Variants in CALCRL observed in about 807,000 individuals in gnomAD.
CALCRL encodes calcitonin gene-related peptide type 1 receptor.
A neutral mutation model predicts 60.4 loss-of-function variants in CALCRL; 27 were observed. The observed-to-expected ratio is 0.45, with a 90% CI of 0.33 to 0.62. CALCRL has a LOEUF of 0.62. Among genes scored for constraint, CALCRL ranks in the 20% least tolerant of loss-of-function variants. The pLI, the probability that CALCRL is intolerant of heterozygous loss-of-function variation, is 0.03. For synonymous variants in CALCRL, 190 were observed against 182.6 expected (o/e 1.04, Z -0.33); for missense variants, 424 against 540.7 (o/e 0.78, Z 2.14).
intron 9 of CALCRL, among the ~76,000 whole-genome samples, chr2:187,361,847 A>G (rs1305655320): frequency 6.6e-6 from 1 of 151,946 alleles, no homozygotes; most frequent in Non-Finnish European, 1.5e-5. Flanking sequence ...CTCCTAACTA[A>G]AGGATATTTG....
intron 7 of CALCRL, among the ~76,000 whole-genome samples, chr2:187,379,854 A>G (rs974554999): frequency 2.0e-5 from 3 of 152,204 alleles, no homozygotes; most frequent in Non-Finnish European, 2.9e-5. Context: ...GCTGGTAAGA[A>G]GTAGAAATAA....
At chr2:187,412,213 G>T (rs1689397624) in intron 1 of CALCRL, among the ~76,000 whole-genome samples, 1 of 152,008 alleles carries the variant, frequency 6.6e-6, no homozygotes. Context: ...CTGATTTTCA[G>T]AAACATTCTT....
intron 8 of CALCRL, among the ~76,000 whole-genome samples, chr2:187,364,117 G>T (rs555303106): frequency 5.3e-5 from 8 of 152,234 alleles, no homozygotes; most frequent in African/African-American, 1.9e-4. Context: ...GGTAAAAATA[G>T]TACCACCTTT....
chr2:187,440,216 A>T (rs1208992124), intron 1 of CALCRL, among the ~76,000 whole-genome samples: 1 of 148,612 alleles, frequency 6.7e-6, no homozygotes, highest in Non-Finnish European at 1.5e-5. Context: ...TGTCCAGACG[A>T]AAAAAAAAAG....
chr2:187,360,923 T>C (rs1179031367), intron 9 of CALCRL, among the ~76,000 whole-genome samples, 172 bp from the exon 10 acceptor site: 1 of 152,080 alleles, frequency 6.6e-6, no homozygotes, highest in African/African-American at 2.4e-5. Context: ...ATGATGCCTT[T>C]AGTTTTTAGC....
intron 12 of CALCRL, among the ~76,000 whole-genome samples, chr2:187,358,041 GA>G (rs1159202433): frequency 6.6e-6 from 1 of 152,044 alleles, no homozygotes; most frequent in Non-Finnish European, 1.5e-5. Context: ...AAGCATGCTA[GA>G]TTGCTAGTTT....
At chr2:187,412,429 C>A (rs1401436124) in intron 1 of CALCRL, among the ~76,000 whole-genome samples, 1 of 152,144 alleles carries the variant, frequency 6.6e-6, no homozygotes, top group African/African-American at 2.4e-5. Flanking sequence ...CTTGGGCAAC[C>A]TTTGCAAATT....
At chr2:187,360,787 T>C in intron 9 of CALCRL, 36 bp from the exon 10 acceptor site, 1 of 1,573,752 alleles carries the variant, frequency 6.4e-7, no homozygotes, top group Non-Finnish European at 8.6e-7. Context: ...ATTTACTTGT[T>C]TATGAATTCA....
chr2:187,363,388 T>C lies in CALCRL; in HGVS notation c.615A>G (p.Val205=), dbSNP rs772775944. 6.2e-7 allele frequency: 1 copy of C among 1,610,606 alleles called. No individual in the cohort carries two copies. Among genetic ancestry groups the C allele is most frequent in the Non-Finnish European group, 8.5e-7 (1 of 1,178,474 alleles). The change falls in exon 9 of 15, where the codon GTA becomes GTG. Residue 205 remains valine (V), a synonymous_variant. Coordinates refer to ENST00000392370, the MANE Select transcript of CALCRL (RefSeq NM_005795.6). ...LTAVANNQAL[V]ATNPVSCKVS... ...TTGGTTTACTTACAGGATTTGTGGCTACTAAGGCCTGGTTGTTGGCCACTG... is the reference window on the plus strand; with the variant it reads ...TTGGTTTACTTACAGGATTTGTGGCCACTAAGGCCTGGTTGTTGGCCACTG...
At chr2:187,442,517 TC>T (rs1372344883) in intron 1 of CALCRL, among the ~76,000 whole-genome samples, 1 of 151,874 alleles carries the variant, frequency 6.6e-6, no homozygotes, top group Non-Finnish European at 1.5e-5. Context: ...GCACAGGCAC[TC>T]TTTCTTTGTA....
At chr2:187,409,074 A>T (rs996010227) in intron 1 of CALCRL, among the ~76,000 whole-genome samples, 1 of 152,190 alleles carries the variant, frequency 6.6e-6, no homozygotes, top group Non-Finnish European at 1.5e-5. Context: ...ACACTGTAAC[A>T]GTCCTTGTGA....
In CALCRL at chr2:187,342,496, C is replaced by T. The variant is rs1229786408; in HGVS notation, c.*3688G>A. On this transcript the variant is annotated 3_prime_UTR_variant, in exon 15 of 15. Coordinates refer to ENST00000392370, the MANE Select transcript of CALCRL (RefSeq NM_005795.6). ...GAGGAGGTCTATATTGTAATTAACA[C>T]TCTCATGTACCTATCTCAACAATAG... Among the ~76,000 whole-genome samples the T allele has an allele frequency of 2.0e-5, 3 of 151,572 alleles. No homozygotes were observed. Among genetic ancestry groups the T allele is most frequent in the African/African-American group, 7.2e-5 (3 of 41,380 alleles).
At chr2:187,412,527 T>C (rs563607749) in intron 1 of CALCRL, among the ~76,000 whole-genome samples, 3 of 152,352 alleles carry the variant, frequency 2.0e-5, no homozygotes, top group Admixed American at 2.0e-4. Context: ...ATTCTAACTC[T>C]TTCTGGTTTC....
chr2:187,403,598 C>T (rs1559063771), intron 1 of CALCRL, among the ~76,000 whole-genome samples: 1 of 151,868 alleles, frequency 6.6e-6, no homozygotes, highest in Non-Finnish European at 1.5e-5. Flanking sequence ...ACAAGGTGAA[C>T]TGGATAAAGG....
intron 1 of CALCRL, among the ~76,000 whole-genome samples, chr2:187,425,353 C>G (rs1023649040): frequency 6.6e-6 from 1 of 151,814 alleles, no homozygotes; most frequent in African/African-American, 2.4e-5. Context: ...ATTATACAGA[C>G]CCAGTTGCAA....
At chr2:187,383,874 TA>T (rs1305879272) in intron 4 of CALCRL, among the ~76,000 whole-genome samples, 1 of 152,176 alleles carries the variant, frequency 6.6e-6, no homozygotes, top group Non-Finnish European at 1.5e-5. Flanking sequence ...TGCACATCAA[TA>T]ATGTTTTTGG....
chr2:187,426,498 G>A (rs546424912), intron 1 of CALCRL, among the ~76,000 whole-genome samples: 1 of 151,840 alleles, frequency 6.6e-6, no homozygotes, highest in Non-Finnish European at 1.5e-5. Context: ...TGGCTAACAC[G>A]TCTGGAAGGC....
At position 187,342,178 on chromosome 2, in the gene CALCRL, T is replaced by C. The variant is rs770679133; in HGVS notation, c.*4006A>G. Among the ~76,000 whole-genome samples, 36 of 151,868 alleles carry C rather than the reference T, an allele frequency of 2.4e-4. No homozygotes were observed. The highest frequency in any genetic ancestry group is 3.7e-4 in the Non-Finnish European group (25 of 67,758). ...ATATGATTACAATCATATGAAAGTCTAGAATAGGGAAATCTGTTGAGACAG... is the reference window on the plus strand; with the variant it reads ...ATATGATTACAATCATATGAAAGTCCAGAATAGGGAAATCTGTTGAGACAG... On this transcript the variant is annotated 3_prime_UTR_variant, in exon 15 of 15. Coordinates refer to ENST00000392370, the MANE Select transcript of CALCRL (RefSeq NM_005795.6).
intron 8 of CALCRL, among the ~76,000 whole-genome samples, chr2:187,378,258 C>T (rs746447957): frequency 2.0e-5 from 3 of 152,078 alleles, no homozygotes; most frequent in Non-Finnish European, 2.9e-5. Flanking sequence ...ACTCTTGTCA[C>T]GCTGAATTCT....
Sources: allele counts gnomAD v4.1 joint callset (sites outside exome capture counted in the v4.1 genomes callset), GRCh38; gene constraint gnomAD v4.1.1; transcripts MANE v1.5; gene names NCBI Gene and HGNC (gene_info 2026-07-23, HGNC 2026-07-21).